MED16: variants seen among roughly 807,000 people sequenced by gnomAD.
MED16 encodes the protein mediator of RNA polymerase II transcription subunit 16.
In MED16, 81 loss-of-function variants were observed where a neutral mutation model predicts 84.4. The ratio of observed to expected loss-of-function variants is 0.96; its 90% CI spans 0.80 to 1.15. The LOEUF is 1.15. MED16 is among the 50% of genes most tolerant of loss of function. The probability of loss-of-function intolerance (pLI) is 0.00; values close to 1 mark genes in which losing one functional copy is unlikely to be tolerated. For missense variants in MED16, 1,585 were observed against 1,245.9 expected (o/e 1.27, Z -4.10); for synonymous variants, 897 against 552.2 (o/e 1.62, Z -8.76).
intron 15 of MED16, 74 bp from the exon 16 acceptor site, chr19:868,325 CA>C: frequency 1.3e-6 from 2 of 1,557,014 alleles, no homozygotes; most frequent in South Asian, 2.3e-5. Context: ...CAGCCGGGCT[CA>C]GGGGCAGCTG....
intron 2 of MED16, 188 bp from the exon 3 acceptor site, chr19:890,432 C>G (rs756790351): frequency 4.1e-6 from 2 of 487,130 alleles, no homozygotes; most frequent in East Asian, 6.6e-5. Flanking sequence ...GCCTGTGAGG[C>G]GCCACAACTG....
rs766876741 is a variant in MED16, at chr19:868,170, C to A, written c.2565G>T (p.Pro855=). 2 of 1,610,420 alleles carry A rather than the reference C, an allele frequency of 1.2e-6. No homozygotes were observed. The highest frequency in any genetic ancestry group is 1.3e-5 in the African/African-American group (1 of 74,886). Residue 855 remains proline, a synonymous_variant, in exon 16 of 16, where the codon CCG becomes CCT. Transcript: ENST00000325464. ...EEAPAFVQLG[P]QSTHHSPRTP... ...TCCTGGGAGAGTGGTGTGTGGACTG[C>A]GGGCCCAGCTGGACAAAGGCAGGGG...
chr19:876,910 CG>C (rs1276624022), intron 9 of MED16, 63 bp downstream of exon 9: 21 of 1,420,274 alleles, frequency 1.5e-5, no homozygotes, highest in East Asian at 4.8e-5. Flanking sequence ...CCACCTGCCA[CG>C]GGGCCCCCAC....
chr19:871,753 T>TAGGGAGAGGGGAGC, intron 12 of MED16, 173 bp downstream of exon 12: 6 of 378,006 alleles, frequency 1.6e-5, no homozygotes, highest in South Asian at 9.0e-5. Context: ...TGTGTTTTGG[T>TAGGGAGAGGGGAGC]AGGGAGAGGG....
At chr19:879,426 AACCCCAGCCCCACGT>A (rs2036358058) in intron 8 of MED16, among the ~76,000 whole-genome samples, 5 of 66,604 alleles carry the variant, frequency 7.5e-5, no homozygotes, top group African/African-American at 1.8e-4. Flanking sequence ...AATGCCCACC[AACCCCAGCCCCACGT>A]GCCCCAGCAG....
intron 1 of MED16, 198 bp downstream of exon 1, chr19:892,888 C>CGCCCCGA (rs1238605612): frequency 7.8e-4 from 9 of 11,512 alleles, no homozygotes; most frequent in Non-Finnish European, 1.1e-3. Context: ...CCGAGCCCCG[C>CGCCCCGA]GCCCCGCGCC....
rs2036604936 is a variant in MED16, at chr19:890,143, G to A, written c.271C>T (p.Gln91Ter). 1.3e-6 allele frequency: 2 copies of A among 1,548,118 alleles called. No individual in the cohort carries two copies. The highest frequency in any genetic ancestry group is 1.7e-6 in the Non-Finnish European group (2 of 1,145,896). Residue 91 changes from glutamine to a stop codon, truncating the protein, a stop_gained, in exon 3 of 16, where the codon CAG becomes TAG. Coordinates refer to ENST00000325464, the MANE Select transcript of MED16 (RefSeq NM_005481.3). LOFTEE classifies it high-confidence loss of function. ...CGTGGGACCAGCGCCTCACCTGACT[G>A]GTCCCACTCCAGGCAGGTGATGGCC... ...HEAITCLEWD[Q>*]SGSRLLSADA...
chr19:876,925 C>A (rs767135697), intron 9 of MED16, 49 bp downstream of exon 9: 1 of 1,542,048 alleles, frequency 6.5e-7, no homozygotes, highest in Non-Finnish European at 8.8e-7. Context: ...CCCCCACCTG[C>A]CACAGGGCCC....
rs555142575 is a variant in MED16 at position 882,560 on chromosome 19, G to A, written c.986-846C>T. On this transcript the variant is annotated intron_variant, in intron 6 of 15. Coordinates refer to ENST00000325464, the MANE Select transcript of MED16 (RefSeq NM_005481.3). ...ACAAAAACAGTGGCCCAGAGAGCACGTGTGGGGGGTCCTGCTGTGGCTGCA... is the reference window on the plus strand; with the variant it reads ...ACAAAAACAGTGGCCCAGAGAGCACATGTGGGGGGTCCTGCTGTGGCTGCA... Among the ~76,000 whole-genome samples, 17 of 152,278 alleles carry A rather than the reference G, an allele frequency of 1.1e-4. No homozygotes were observed. In the East Asian group the frequency reaches 1.2e-3, roughly 10 times the overall value.
chr19:868,715 CATCCTGGG>C, intron 14 of MED16, 140 bp downstream of exon 14: 1 of 1,074,984 alleles, frequency 9.3e-7, no homozygotes, highest in Non-Finnish European at 1.3e-6. Flanking sequence ...AACTGCTCCA[CATCCTGGG>C]ATCCTGGCTC....
At position 891,086 on chromosome 19, in the gene MED16, C is replaced by A; in HGVS notation, c.46G>T (p.Ala16Ser). The stretch of plus-strand genomic sequence containing the variant: ...CATTTCTCCCACTCACAGACGTAGG[C>A]CAAGTCCATCATCCCACCTGCCGCT... ...RPAAGGMMDL[A>S]YVCEWEKWSK... The change falls in exon 2 of 16, where the codon GCC becomes TCC. Residue 16 changes from alanine (A) to serine (S), a missense_variant. Physicochemically the swap from Ala to Ser is moderately conservative, Grantham distance 99. Transcript: ENST00000325464. The A allele has an allele frequency of 3.1e-6, 5 of 1,614,040 alleles. No individual in the cohort carries two copies. Among genetic ancestry groups the A allele is most frequent in the Non-Finnish European group, 4.2e-6 (5 of 1,179,988 alleles).
At chr19:872,249 A>C in intron 11 of MED16, 131 bp from the exon 12 acceptor site, 1 of 739,686 alleles carries the variant, frequency 1.4e-6, no homozygotes, top group South Asian at 1.9e-5. Flanking sequence ...GGTGGTCAGG[A>C]CTGGGGTGCT....
chr19:875,016 C>A lies in MED16; in HGVS notation c.1771+228G>T, dbSNP rs75703478. ...CGTCTCTACTAAAAATACAAAAAAT[C>A]AGCCGGGCGTGGTGGCACGTGCCTG... On this transcript the variant is annotated intron_variant, in intron 10 of 15. Coordinates refer to ENST00000325464, the MANE Select transcript of MED16 (RefSeq NM_005481.3). Among the ~76,000 whole-genome samples the A allele has an allele frequency of 2.2e-3, 319 of 147,338 alleles. 9 individuals are homozygous for A. The East Asian group carries it at 0.059, about 27-fold the overall frequency.
Position 877,063 on chromosome 19 carries a change from T to C in MED16, c.1471A>G (p.Ile491Val). 6.2e-7 allele frequency: 1 copy of C among 1,612,690 alleles called. No homozygotes were observed. The highest frequency in any genetic ancestry group is 8.5e-7 in the Non-Finnish European group (1 of 1,179,906). Residue 491 changes from isoleucine to valine, a missense_variant, in exon 9 of 16, where the codon ATC becomes GTC. Coordinates refer to ENST00000325464, the MANE Select transcript of MED16 (RefSeq NM_005481.3). ...CMVTGYDWWD[I>V]LLHVQPSMVQ... ...ATACTGGGCTGCACGTGCAGCAGGATGTCCCACCAGTCGTAGCCGGTCACC... is the reference window on the plus strand; with the variant it reads ...ATACTGGGCTGCACGTGCAGCAGGACGTCCCACCAGTCGTAGCCGGTCACC...
At chr19:880,731 G>A (rs966474461) in intron 7 of MED16, among the ~76,000 whole-genome samples, 2 of 152,098 alleles carry the variant, frequency 1.3e-5, no homozygotes, top group African/African-American at 4.8e-5. Flanking sequence ...ACCAGCCTGG[G>A]CAACACCGGT....
At chr19:892,098 ACCT>A (rs2036649168) in intron 1 of MED16, among the ~76,000 whole-genome samples, 1 of 151,936 alleles carries the variant, frequency 6.6e-6, no homozygotes, top group Admixed American at 6.6e-5. Context: ...CAGAGGGGGC[ACCT>A]CCTCGAGGCT....
intron 6 of MED16, among the ~76,000 whole-genome samples, chr19:883,487 G>A (rs2036461957): frequency 6.6e-6 from 1 of 151,946 alleles, no homozygotes; most frequent in South Asian, 2.1e-4. Context: ...GTGGGCACGT[G>A]GGGCGGTAGG....
At chr19:883,903 G>A (rs564485562) in intron 6 of MED16, among the ~76,000 whole-genome samples, 11 of 152,320 alleles carry the variant, frequency 7.2e-5, no homozygotes, top group African/African-American at 2.6e-4. Context: ...CTGGGAGAAG[G>A]AATGGCAGCA....
intron 14 of MED16, 46 bp downstream of exon 14, chr19:868,817 C>T: frequency 6.5e-7 from 1 of 1,530,558 alleles, no homozygotes. Context: ...CTGAGCCATC[C>T]CCAGCGGCAC....
Sources: gnomAD v4.1 joint callset for allele counts (sites outside exome capture counted in the v4.1 genomes callset) on GRCh38, gnomAD v4.1.1 for gene constraint, MANE v1.5 for transcripts, NCBI Gene and HGNC (gene_info 2026-07-23, HGNC 2026-07-21) for gene names.